Variants in DLG2 observed in about 807,000 individuals in gnomAD.
DLG2 encodes the protein disks large homolog 2.
DLG2 carries 45 observed loss-of-function variants against 132.5 expected under a neutral mutation model. The ratio of observed to expected loss-of-function variants is 0.34; its 90% CI spans 0.27 to 0.44. The LOEUF (loss-of-function observed/expected upper bound fraction) is 0.44, where lower values mean the gene tolerates loss of function less well. Ranked by LOEUF, DLG2 falls within the 20% of genes least tolerant of loss-of-function variation. The pLI is 1.00. For synonymous variants in DLG2, 424 were observed against 419.6 expected, an observed-to-expected ratio of 1.01 and a Z score of -0.13; for missense variants, 1,045 against 1,196.9, an observed-to-expected ratio of 0.87 and a Z score of 1.87.
At chr11:83,808,170 T>C (rs1407085984) in intron 17 of DLG2, among the ~76,000 whole-genome samples, 1 of 152,164 alleles carries the variant, frequency 6.6e-6, no homozygotes, top group Non-Finnish European at 1.5e-5. Flanking sequence ...TACAGGCTGT[T>C]TCCCTGTTTC....
chr11:84,236,668 C>T (rs1466268824), intron 8 of DLG2, among the ~76,000 whole-genome samples: 1 of 152,202 alleles, frequency 6.6e-6, no homozygotes, highest in South Asian at 2.1e-4. Context: ...TTAGCAGTAG[C>T]TGTGTCTGTT....
chr11:85,256,021 A>T (rs745903283), intron 4 of DLG2, among the ~76,000 whole-genome samples: 1 of 152,172 alleles, frequency 6.6e-6, no homozygotes, highest in Non-Finnish European at 1.5e-5. Flanking sequence ...ACAAGAAAAC[A>T]CTGGGTAGAA....
chr11:84,390,232 G>A (rs1039372950), intron 7 of DLG2, among the ~76,000 whole-genome samples: 4 of 152,044 alleles, frequency 2.6e-5, no homozygotes, highest in African/African-American at 4.8e-5. Flanking sequence ...AAATATCAAG[G>A]AATACTACGG....
At position 83,610,660 on chromosome 11, in the gene DLG2, A is replaced by G. The variant is rs1053910149; in HGVS notation, c.1940+22551T>C. Among the ~76,000 whole-genome samples, 4 of 152,162 alleles carry G rather than the reference A, an allele frequency of 2.6e-5. No individual in the cohort carries two copies. The East Asian group carries it at 7.7e-4, about 29-fold the overall frequency. On this transcript the variant is annotated intron_variant, in intron 19 of 27. Coordinates refer to ENST00000376104, the MANE Select transcript of DLG2 (RefSeq NM_001142699.3). ...ATGCATCATCTCATTTAATCCTCAC[A>G]ACTATGCAATGAGGTAATAATAATA...
At chr11:83,866,546 G>A (rs2062414671) in intron 16 of DLG2, among the ~76,000 whole-genome samples, 1 of 151,868 alleles carries the variant, frequency 6.6e-6, no homozygotes, top group African/African-American at 2.4e-5. Context: ...TGATTAAGAG[G>A]GGCAATTTTC....
chr11:84,318,705 C>T lies in DLG2; in HGVS notation c.520-67414G>A, dbSNP rs17147179. Reference sequence around the variant, plus strand: ...TAAGGGTACTTTTCCAAATTCTGCACAAGGGGCTGATATTAGCATTGTGCC... The same window carrying T: ...TAAGGGTACTTTTCCAAATTCTGCATAAGGGGCTGATATTAGCATTGTGCC... On this transcript the variant is annotated intron_variant, in intron 7 of 27. Coordinates refer to ENST00000376104, the MANE Select transcript of DLG2 (RefSeq NM_001142699.3). Among the ~76,000 whole-genome samples the T allele has an allele frequency of 0.01, 1,580 of 152,286 alleles. 88 individuals carry two copies. The East Asian group carries it at 0.12, about 12-fold the overall frequency.
chr11:84,133,637 CT>C (rs2094499677), intron 9 of DLG2, among the ~76,000 whole-genome samples: 1 of 151,290 alleles, frequency 6.6e-6, no homozygotes, highest in East Asian at 1.9e-4. Context: ...CCTTCTTCTT[CT>C]TCTTCTACTT....
chr11:83,463,089 A>C (rs78682100), intron 26 of DLG2, among the ~76,000 whole-genome samples: 4 of 152,126 alleles, frequency 2.6e-5, no homozygotes, highest in Admixed American at 1.3e-4. Context: ...GCCTTAGTCA[A>C]TTCCTTTCGA....
chr11:84,670,415 C>T (rs1312533481), intron 6 of DLG2, among the ~76,000 whole-genome samples: 2 of 152,002 alleles, frequency 1.3e-5, no homozygotes, highest in South Asian at 2.1e-4. Context: ...AAAAGAGTAA[C>T]TTCAGTGATA....
At chr11:83,720,993 G>A (rs754775601) in intron 18 of DLG2, 2 of 152,120 alleles carry the variant, frequency 1.3e-5, no homozygotes, top group Non-Finnish European at 2.9e-5. Flanking sequence ...GAGGTGAGGA[G>A]CTGGGTACTG....
chr11:85,096,659 G>A (rs2069849931), intron 6 of DLG2, among the ~76,000 whole-genome samples: 1 of 151,956 alleles, frequency 6.6e-6, no homozygotes. Flanking sequence ...CAACCCAGAT[G>A]GGACACATTT....
At chr11:84,099,357 AAAGAAT>A (rs2092191471) in intron 9 of DLG2, among the ~76,000 whole-genome samples, 1 of 152,172 alleles carries the variant, frequency 6.6e-6, no homozygotes, top group Non-Finnish European at 1.5e-5. Flanking sequence ...GAAAAAATAT[AAAGAAT>A]CATTAGAGTG....
chr11:85,525,258 G>A (rs1218075127), intron 3 of DLG2, among the ~76,000 whole-genome samples: 2 of 152,134 alleles, frequency 1.3e-5, no homozygotes, highest in African/African-American at 4.8e-5. Context: ...TGCAACTTAG[G>A]AGTAGAAGAG....
chr11:85,097,844 G>A (rs1480912867), intron 6 of DLG2, among the ~76,000 whole-genome samples: 1 of 152,158 alleles, frequency 6.6e-6, no homozygotes, highest in Non-Finnish European at 1.5e-5. Flanking sequence ...GGAAAGTGGT[G>A]ATTTTCTCTT....
intron 18 of DLG2, among the ~76,000 whole-genome samples, chr11:83,783,892 A>T (rs2094934765): frequency 6.6e-6 from 1 of 152,154 alleles, no homozygotes; most frequent in Admixed American, 6.5e-5. Flanking sequence ...CAATCTGATC[A>T]TATGTTACCA....
Position 83,614,659 on chromosome 11 carries a change from G to T in DLG2, c.1940+18552C>A, listed in dbSNP as rs567205380. Among the ~76,000 whole-genome samples the T allele has an allele frequency of 6.6e-5, 10 of 152,262 alleles. 1 individual carries two copies. Among genetic ancestry groups the T allele is most frequent in the Admixed American group, 6.5e-4 (10 of 15,302 alleles). On this transcript the variant is annotated intron_variant, in intron 19 of 27. Transcript: ENST00000376104. Reference sequence around the variant, plus strand: ...ACCTGAGCCTGGGGAGGTTGAGGCTGCAGTGAGCCGTGATCACACCACTGC... The same window carrying T: ...ACCTGAGCCTGGGGAGGTTGAGGCTTCAGTGAGCCGTGATCACACCACTGC...
intron 6 of DLG2, among the ~76,000 whole-genome samples, chr11:84,717,985 G>A (rs375600646): frequency 2.0e-5 from 3 of 151,928 alleles, no homozygotes; most frequent in Non-Finnish European, 4.4e-5. Context: ...CTGTCTGTGA[G>A]GTAAATTTTG....
intron 6 of DLG2, among the ~76,000 whole-genome samples, chr11:84,876,437 T>A (rs1005047847): frequency 6.6e-6 from 1 of 152,236 alleles, no homozygotes; most frequent in Non-Finnish European, 1.5e-5. Flanking sequence ...CAGGAATTTA[T>A]CTATTTCTTC....
chr11:84,088,394 A>C (rs1265844368), intron 10 of DLG2, among the ~76,000 whole-genome samples: 2 of 151,942 alleles, frequency 1.3e-5, no homozygotes, highest in Non-Finnish European at 2.9e-5. Context: ...AAAAACAAAA[A>C]TCCAACGAGT....
Sources: allele counts gnomAD v4.1 joint callset (sites outside exome capture counted in the v4.1 genomes callset), GRCh38; gene constraint gnomAD v4.1.1; transcripts MANE v1.5; gene names NCBI Gene and HGNC (gene_info 2026-07-23, HGNC 2026-07-21).